Variants in ELAVL4 observed in about 807,000 individuals in gnomAD.
ELAVL4 encodes ELAV like RNA binding protein 4.
A neutral mutation model predicts 35.6 loss-of-function variants in ELAVL4; 1 was observed. That is an observed-to-expected ratio of 0.03 (90% CI 0.01 to 0.13). The LOEUF is 0.13. ELAVL4 is among the 10% of genes least tolerant of loss of function. The pLI, the probability that ELAVL4 is intolerant of heterozygous loss-of-function variation, is 1.00. For synonymous variants in ELAVL4, 156 were observed against 171.0 expected (o/e 0.91, Z 0.69); for missense variants, 267 against 464.9 (o/e 0.57, Z 3.91).
chr1:50,059,671 G>A (rs185189976), intron 1 of ELAVL4, among the ~76,000 whole-genome samples: 1 of 152,166 alleles, frequency 6.6e-6, no homozygotes, highest in East Asian at 1.9e-4. Flanking sequence ...TGTTCATAGA[G>A]GCATTATTCA....
intron 1 of ELAVL4, among the ~76,000 whole-genome samples, chr1:50,112,322 G>C (rs529477708): frequency 6.6e-6 from 1 of 151,820 alleles, no homozygotes; most frequent in Admixed American, 6.6e-5. Flanking sequence ...TTTAGTTAGG[G>C]GAAAATAATT....
intron 1 of ELAVL4, chr1:50,109,851 C>A: frequency 6.5e-7 from 1 of 1,544,932 alleles, no homozygotes; most frequent in Non-Finnish European, 8.8e-7. Flanking sequence ...CTCTGGGCAG[C>A]AGCTCTGTAA....
chr1:50,080,416 T>TCACACA (rs71751816), intron 1 of ELAVL4, among the ~76,000 whole-genome samples: 22 of 149,506 alleles, frequency 1.5e-4, no homozygotes, highest in African/African-American at 3.9e-4. Context: ...GTTGTTGATT[T>TCACACA]CACACACACA....
chr1:50,134,776 G>C (rs540057604), intron 1 of ELAVL4, among the ~76,000 whole-genome samples: 1 of 152,122 alleles, frequency 6.6e-6, no homozygotes, highest in East Asian at 1.9e-4. Context: ...GAATGATCAA[G>C]CTGTCCCTCA....
At position 50,073,757 on chromosome 1, in the gene ELAVL4, A is replaced by G. The variant is rs551227519; in HGVS notation, c.18+25575A>G. Among the ~76,000 whole-genome samples the G allele has an allele frequency of 1.6e-3, 238 of 152,294 alleles. 1 individual carries two copies. Among genetic ancestry groups the G allele is most frequent in the African/African-American group, 5.1e-3 (214 of 41,560 alleles). On this transcript the variant is annotated intron_variant, in intron 1 of 6. Transcript: ENST00000448907. The stretch of plus-strand genomic sequence containing the variant: ...TAATGGCTTCGTAAATGAGAAAAAC[A>G]CCAAGAGCTTTGTATGAATATAATG...
intron 3 of ELAVL4, chr1:50,179,453 T>G (rs770746299): frequency 4.6e-5 from 7 of 152,190 alleles, no homozygotes; most frequent in Non-Finnish European, 8.8e-5. Context: ...AAAAATCATA[T>G]TAAAGGAAAG....
At position 50,142,324 on chromosome 1, in the gene ELAVL4, C is replaced by T. The variant is rs1019150330; in HGVS notation, c.10-2633C>T. Among the ~76,000 whole-genome samples, 11 of 152,254 alleles carry T rather than the reference C, an allele frequency of 7.2e-5. No homozygotes were observed. The South Asian group carries it at 8.3e-4, about 12-fold the overall frequency. Reference sequence around the variant, plus strand: ...AAGTGATTCTCCTGCCTCAGCCTCCCGAGTAGCTGGGATTACAGGTGTGCA... The same window carrying T: ...AAGTGATTCTCCTGCCTCAGCCTCCTGAGTAGCTGGGATTACAGGTGTGCA... On this transcript the variant is annotated intron_variant, in intron 1 of 6. Coordinates refer to ENST00000371824, the MANE Select transcript of ELAVL4 (RefSeq NM_001144774.3).
chr1:50,203,465 C>T lies in ELAVL4; in HGVS notation c.*2287C>T, dbSNP rs1277292252. The T allele has an allele frequency of 1.3e-5, 2 of 151,948 alleles. No individual in the cohort carries two copies. The highest frequency in any genetic ancestry group is 2.4e-5 in the African/African-American group (1 of 41,446). 9.4% of individuals were successfully genotyped at this position (151,948 alleles called of 1,614,324 possible). On this transcript the variant is annotated 3_prime_UTR_variant, in exon 7 of 7. Coordinates refer to ENST00000371824, the MANE Select transcript of ELAVL4 (RefSeq NM_001144774.3). ...TTCAACATTCAGGGAAAGCTTTTTACGTCACCTGCTATGAATGAACGTAGT... is the reference window on the plus strand; with the variant it reads ...TTCAACATTCAGGGAAAGCTTTTTATGTCACCTGCTATGAATGAACGTAGT...
chr1:50,112,327 A>G (rs1667211806), intron 1 of ELAVL4, among the ~76,000 whole-genome samples: 2 of 152,208 alleles, frequency 1.3e-5, no homozygotes, highest in Middle Eastern at 3.4e-3. Context: ...TTAGGGGAAA[A>G]TAATTTCTGT....
At chr1:50,070,740 C>CAAAAAA (rs34633476) in intron 1 of ELAVL4, among the ~76,000 whole-genome samples, 2 of 77,122 alleles carry the variant, frequency 2.6e-5, no homozygotes, top group African/African-American at 4.8e-5. Context: ...GACTCCATCT[C>CAAAAAA]AAAAAAAAAA....
intron 1 of ELAVL4, among the ~76,000 whole-genome samples, chr1:50,143,492 T>A (rs543370505): frequency 1.8e-4 from 27 of 152,306 alleles, no homozygotes; most frequent in African/African-American, 5.5e-4. Flanking sequence ...TGCCCACCAC[T>A]GTTCTGGTGC....
At chr1:50,065,458 A>C (rs1254131305) in intron 1 of ELAVL4, among the ~76,000 whole-genome samples, 3 of 152,208 alleles carry the variant, frequency 2.0e-5, no homozygotes, top group Admixed American at 2.0e-4. Flanking sequence ...AAGTTAACTT[A>C]ACCAATGTGC....
At chr1:50,151,973 A>G (rs1260438440) in intron 2 of ELAVL4, among the ~76,000 whole-genome samples, 2 of 152,178 alleles carry the variant, frequency 1.3e-5, no homozygotes, top group Admixed American at 1.3e-4. Context: ...TAGTGCAAAC[A>G]GTAAACCATG....
At chr1:50,182,631 C>T (rs1032212419) in intron 3 of ELAVL4, among the ~76,000 whole-genome samples, 1 of 152,178 alleles carries the variant, frequency 6.6e-6, no homozygotes, top group Non-Finnish European at 1.5e-5. Flanking sequence ...CTGTCAACGA[C>T]GTGCCACATA....
chr1:50,181,506 T>C (rs1681017765), intron 3 of ELAVL4, among the ~76,000 whole-genome samples: 1 of 152,196 alleles, frequency 6.6e-6, no homozygotes, highest in Non-Finnish European at 1.5e-5. Flanking sequence ...GTATGGACCA[T>C]GGGCTTACAT....
intron 1 of ELAVL4, among the ~76,000 whole-genome samples, chr1:50,117,559 G>A (rs1333611950): frequency 6.6e-6 from 1 of 152,128 alleles, no homozygotes; most frequent in Non-Finnish European, 1.5e-5. Context: ...ACTTCAACAT[G>A]AGCCACAATT....
intron 1 of ELAVL4, among the ~76,000 whole-genome samples, chr1:50,142,024 T>A (rs945311094): frequency 6.6e-6 from 1 of 152,250 alleles, no homozygotes; most frequent in East Asian, 1.9e-4. Flanking sequence ...ATAATAGTTA[T>A]GATGCCTCTG....
chr1:50,177,613 G>A (rs371814963), intron 3 of ELAVL4, among the ~76,000 whole-genome samples: 25 of 152,192 alleles, frequency 1.6e-4, no homozygotes, highest in East Asian at 5.8e-4. Flanking sequence ...TGTGGCCTAA[G>A]TTTGGATGGG....
chr1:50,175,945 C>T (rs1053830741), intron 2 of ELAVL4: 1 of 152,230 alleles, frequency 6.6e-6, no homozygotes, highest in African/African-American at 2.4e-5. Context: ...TCCTCCCCTT[C>T]GGCTCTGCTG....
Sources: gnomAD v4.1 joint callset for allele counts (sites outside exome capture counted in the v4.1 genomes callset) on GRCh38, gnomAD v4.1.1 for gene constraint, MANE v1.5 for transcripts, NCBI Gene and HGNC (gene_info 2026-07-23, HGNC 2026-07-21) for gene names.